TMTC1: variants seen among roughly 807,000 people sequenced by gnomAD.
The protein encoded by TMTC1 is transmembrane O-mannosyltransferase targeting cadherins 1.
In TMTC1, 73 loss-of-function variants were observed where a neutral mutation model predicts 104.8. The ratio of observed to expected loss-of-function variants is 0.70; its 90% CI spans 0.58 to 0.85. The LOEUF is 0.85. TMTC1 is among the 40% of genes least tolerant of loss of function. The pLI, the probability that TMTC1 is intolerant of heterozygous loss-of-function variation, is 0.00. For synonymous variants in TMTC1, 434 were observed against 428.7 expected, an observed-to-expected ratio of 1.01 and a Z score of -0.15; for missense variants, 1,035 against 1,096.1, an observed-to-expected ratio of 0.94 and a Z score of 0.79.
intron 5 of TMTC1, among the ~76,000 whole-genome samples, chr12:29,723,148 C>A (rs1404763130): frequency 6.6e-6 from 1 of 151,932 alleles, no homozygotes; most frequent in South Asian, 2.1e-4. Context: ...CACGAAAAGA[C>A]ACTAAAGAAG....
intron 5 of TMTC1, among the ~76,000 whole-genome samples, chr12:29,650,069 C>A (rs1385641067): frequency 6.6e-6 from 1 of 151,296 alleles, no homozygotes; most frequent in Non-Finnish European, 1.5e-5. Flanking sequence ...TTAACTTTCT[C>A]TTTTTTTCTT....
intron 10 of TMTC1, among the ~76,000 whole-genome samples, chr12:29,541,962 A>G (rs1944813353): frequency 6.6e-6 from 1 of 152,104 alleles, no homozygotes; most frequent in Admixed American, 6.6e-5. Flanking sequence ...TGGCCCCACA[A>G]TAGATTTTTA....
intron 5 of TMTC1, among the ~76,000 whole-genome samples, chr12:29,665,219 G>GTCAAATATTAGTT (rs1940228769): frequency 1.3e-5 from 2 of 152,320 alleles, no homozygotes; most frequent in Non-Finnish European, 2.9e-5. Context: ...TTCACCTGGA[G>GTCAAATATTAGTT]GAGGCCCTTC....
chr12:29,752,713 C>A (rs1943121054), intron 4 of TMTC1, among the ~76,000 whole-genome samples: 1 of 149,914 alleles, frequency 6.7e-6, no homozygotes. Flanking sequence ...CTCAAAAGCC[C>A]AATGGTAAAT....
chr12:29,686,874 G>GT (rs1471711714), intron 5 of TMTC1, among the ~76,000 whole-genome samples: 1 of 152,006 alleles, frequency 6.6e-6, no homozygotes, highest in East Asian at 1.9e-4. Context: ...TCTTAGTGCT[G>GT]TATCACATGG....
chr12:29,601,888 T>G (rs1372736625), intron 7 of TMTC1, among the ~76,000 whole-genome samples: 1 of 149,672 alleles, frequency 6.7e-6, no homozygotes, highest in Non-Finnish European at 1.5e-5. Context: ...CAGGCTGGAG[T>G]GCAGTGGCGC....
intron 5 of TMTC1, among the ~76,000 whole-genome samples, chr12:29,693,270 G>A (rs1457316057): frequency 6.9e-6 from 1 of 144,268 alleles, no homozygotes; most frequent in Non-Finnish European, 1.5e-5. Context: ...ATATTTATGA[G>A]GTACAGAGGG....
intron 5 of TMTC1, among the ~76,000 whole-genome samples, chr12:29,675,836 C>A (rs1010176653): frequency 6.6e-6 from 1 of 151,994 alleles, no homozygotes; most frequent in Non-Finnish European, 1.5e-5. Context: ...TAGCATTGTT[C>A]CATGAAAGTA....
chr12:29,536,146 G>T, intron 11 of TMTC1, 63 bp downstream of exon 11: 1 of 1,072,514 alleles, frequency 9.3e-7, no homozygotes. Context: ...ACAAAAATCT[G>T]TGTAACATTA....
At chr12:29,754,334 T>C (rs1282637350) in intron 4 of TMTC1, among the ~76,000 whole-genome samples, 1 of 152,032 alleles carries the variant, frequency 6.6e-6, no homozygotes, top group Non-Finnish European at 1.5e-5. Flanking sequence ...AGTGACTACA[T>C]GAAGAAGAAA....
chr12:29,719,776 A>G (rs1353377400), intron 5 of TMTC1, among the ~76,000 whole-genome samples: 1 of 152,164 alleles, frequency 6.6e-6, no homozygotes, highest in East Asian at 1.9e-4. Flanking sequence ...CTTTCACCTG[A>G]TTTTTGGTTT....
At chr12:29,657,204 T>C (rs1591875821) in intron 5 of TMTC1, among the ~76,000 whole-genome samples, 1 of 152,142 alleles carries the variant, frequency 6.6e-6, no homozygotes, top group African/African-American at 2.4e-5. Flanking sequence ...AACCCAAAGC[T>C]AAAGGAAATG....
intron 9 of TMTC1, among the ~76,000 whole-genome samples, chr12:29,559,169 C>T (rs1472447165): frequency 6.6e-6 from 1 of 152,172 alleles, no homozygotes; most frequent in Non-Finnish European, 1.5e-5. Context: ...TTTCTTAAGA[C>T]GTTCTCTTTT....
intron 7 of TMTC1, among the ~76,000 whole-genome samples, chr12:29,603,396 T>C (rs1231545810): frequency 6.6e-6 from 1 of 152,004 alleles, no homozygotes; most frequent in Non-Finnish European, 1.5e-5. Context: ...TGAACTTTCC[T>C]AAAAGGCAGT....
chr12:29,618,648 A>C (rs374177988), intron 6 of TMTC1, among the ~76,000 whole-genome samples: 7 of 151,942 alleles, frequency 4.6e-5, no homozygotes, highest in African/African-American at 1.7e-4. Context: ...CTGCACTTAC[A>C]GCTAATCACC....
intron 6 of TMTC1, among the ~76,000 whole-genome samples, chr12:29,620,188 T>G (rs1258130436): frequency 6.6e-6 from 1 of 152,192 alleles, no homozygotes; most frequent in Non-Finnish European, 1.5e-5. Context: ...TGTGTCAGCC[T>G]CCATACTGAG....
intron 5 of TMTC1, among the ~76,000 whole-genome samples, chr12:29,710,564 T>C (rs1000911096): frequency 1.4e-5 from 2 of 145,406 alleles, no homozygotes; most frequent in Admixed American, 7.0e-5. Context: ...ATATAAAATA[T>C]TGTATATAAT....
At chr12:29,764,874 C>T (rs922338693) in intron 2 of TMTC1, among the ~76,000 whole-genome samples, 1 of 152,110 alleles carries the variant, frequency 6.6e-6, no homozygotes, top group Non-Finnish European at 1.5e-5. Context: ...TTCTTAGGAA[C>T]CAACCTTAAC....
chr12:29,765,307 C>A (rs963859254), intron 2 of TMTC1, among the ~76,000 whole-genome samples: 1 of 152,002 alleles, frequency 6.6e-6, no homozygotes, highest in Non-Finnish European at 1.5e-5. Context: ...CCATAATGTT[C>A]CTGTATTAAA....
Sources: gnomAD v4.1 joint callset for allele counts (sites outside exome capture counted in the v4.1 genomes callset) on GRCh38, gnomAD v4.1.1 for gene constraint, MANE v1.5 for transcripts, NCBI Gene and HGNC (gene_info 2026-07-23, HGNC 2026-07-21) for gene names.